The following ZNF618 variants were observed in gnomAD, a reference collection of about 807,000 sequenced individuals.
ZNF618 encodes the protein zinc finger protein 618.
A neutral mutation model predicts 103.0 loss-of-function variants in ZNF618; 34 were observed. The ratio of observed to expected loss-of-function variants is 0.33; its 90% CI spans 0.25 to 0.44. The LOEUF (loss-of-function observed/expected upper bound fraction) is 0.44. Among genes scored for constraint, ZNF618 ranks in the 20% least tolerant of loss-of-function variants. The pLI, the probability that ZNF618 is intolerant of heterozygous loss-of-function variation, is 1.00. For missense variants in ZNF618, 1,059 were observed against 1,295.4 expected (o/e 0.82, Z 2.80); for synonymous variants, 551 against 542.2 (o/e 1.02, Z -0.23).
At chr9:114,035,508 C>T (rs1222536043) in intron 12 of ZNF618, among the ~76,000 whole-genome samples, 3 of 152,220 alleles carry the variant, frequency 2.0e-5, no homozygotes, top group East Asian at 1.9e-4. Context: ...TCACGGTCGT[C>T]GGGCAGCCTC....
Position 113,988,466 on chromosome 9 carries a change from A to C in ZNF618, c.223A>C (p.Ile75Leu). Residue 75 changes from isoleucine to leucine, a missense_variant, in exon 3 of 15, where the codon ATC becomes CTC. By Grantham distance (5) the Ile-to-Leu change is conservative (BLOSUM62 2). Transcript: ENST00000374126. The part of the protein sequence containing the change: ...ELPDDYIQEV[I>L]WQGEAKEEKK... ...GCCCGATGACTACATCCAGGAGGTG[A>C]TCTGGCAGGGCGAGGCCAAGGAGGA... 1 of 1,613,642 alleles carries C rather than the reference A, an allele frequency of 6.2e-7. No individual in the cohort carries two copies. The highest frequency in any genetic ancestry group is 8.5e-7 in the Non-Finnish European group (1 of 1,179,894).
At chr9:113,988,689 C>G in intron 3 of ZNF618, 109 bp downstream of exon 3, 1 of 1,416,896 alleles carries the variant, frequency 7.1e-7, no homozygotes, top group East Asian at 2.5e-5. Context: ...GCTGAGAGAA[C>G]CTTTGCTGGC....
At chr9:113,898,402 T>C (rs1038981326) in intron 1 of ZNF618, among the ~76,000 whole-genome samples, 1 of 151,370 alleles carries the variant, frequency 6.6e-6, no homozygotes, top group African/African-American at 2.4e-5. Flanking sequence ...GTCTATATCC[T>C]AAAATGATGT....
At chr9:113,981,832 G>C (rs1564251085) in intron 2 of ZNF618, among the ~76,000 whole-genome samples, 1 of 152,220 alleles carries the variant, frequency 6.6e-6, no homozygotes, top group Admixed American at 6.5e-5. Context: ...TGTGCACTGA[G>C]TTCTTTCTGT....
At chr9:114,008,754 G>A (rs1363362162) in intron 9 of ZNF618, among the ~76,000 whole-genome samples, 200 bp downstream of exon 9, 1 of 152,198 alleles carries the variant, frequency 6.6e-6, no homozygotes, top group African/African-American at 2.4e-5. Flanking sequence ...GTCAAGGTCA[G>A]GACAGTGAAG....
At chr9:114,031,799 C>T (rs1211403516) in intron 11 of ZNF618, among the ~76,000 whole-genome samples, 2 of 152,132 alleles carry the variant, frequency 1.3e-5, no homozygotes, top group East Asian at 1.9e-4. Context: ...TGACTGGTTC[C>T]CTGAGGTCTT....
chr9:113,955,696 G>T, intron 1 of ZNF618, among the ~76,000 whole-genome samples: 1 of 151,868 alleles, frequency 6.6e-6, no homozygotes, highest in African/African-American at 2.4e-5. Context: ...GTCTTACTTA[G>T]AACATCTACT....
At chr9:114,012,987 A>G (rs1029415952) in intron 9 of ZNF618, among the ~76,000 whole-genome samples, 2 of 133,182 alleles carry the variant, frequency 1.5e-5, no homozygotes. Flanking sequence ...TTTTAAAACT[A>G]TAGGAAAAAA....
intron 1 of ZNF618, among the ~76,000 whole-genome samples, chr9:113,896,038 A>ATT (rs11426967): frequency 6.9e-6 from 1 of 145,324 alleles, no homozygotes; most frequent in Non-Finnish European, 1.5e-5. Flanking sequence ...TCCTAAACTG[A>ATT]TTTTTTTTGT....
At chr9:113,995,913 C>G (rs573902873) in intron 3 of ZNF618, among the ~76,000 whole-genome samples, 2 of 152,256 alleles carry the variant, frequency 1.3e-5, no homozygotes, top group East Asian at 3.9e-4. Flanking sequence ...TAACGTGGCA[C>G]AAGGGTGAAG....
Position 114,049,726 on chromosome 9 carries a change from G to C in ZNF618, c.2424G>C (p.Leu808=). The C allele has an allele frequency of 1.2e-6, 2 of 1,613,868 alleles. No individual in the cohort carries two copies. The highest frequency in any genetic ancestry group is 1.7e-6 in the Non-Finnish European group (2 of 1,179,900). ...VHPAHKVAMI[L]DPQQKLRPVP... ...CGGCCCACAAGGTGGCCATGATCCT[G>C]GACCCGCAGCAGAAGCTGCGGCCTG... Residue 808 remains leucine, a synonymous_variant, in exon 15 of 15, where the codon CTG becomes CTC. Coordinates refer to ENST00000374126, the MANE Select transcript of ZNF618 (RefSeq NM_001318042.2).
chr9:113,973,257 G>A (rs1838161013), intron 2 of ZNF618, among the ~76,000 whole-genome samples: 1 of 152,104 alleles, frequency 6.6e-6, no homozygotes, highest in Non-Finnish European at 1.5e-5. Flanking sequence ...TAGATTAGAC[G>A]GCTCTGAGCA....
chr9:113,963,247 C>CTATATATAT (rs1837033228), intron 1 of ZNF618, among the ~76,000 whole-genome samples: 1 of 152,192 alleles, frequency 6.6e-6, no homozygotes, highest in Admixed American at 6.5e-5. Flanking sequence ...TGGTTGCACC[C>CTATATATAT]ACTGCCGAGG....
At chr9:113,933,825 G>A (rs1211357455) in intron 1 of ZNF618, among the ~76,000 whole-genome samples, 1 of 152,134 alleles carries the variant, frequency 6.6e-6, no homozygotes, top group Admixed American at 6.5e-5. Context: ...GGTCTTGGCT[G>A]GGGAGGGATA....
Position 113,907,833 on chromosome 9 carries a change from C to T in ZNF618, c.33+31420C>T, listed in dbSNP as rs1473938179. ...TTCTTTCAAGGACTCTCTTTCCTTC[C>T]GATGGGGTTGTTTGATTTATCCTGA... On this transcript the variant is annotated intron_variant, in intron 1 of 14. Coordinates refer to ENST00000374126, the MANE Select transcript of ZNF618 (RefSeq NM_001318042.2). Among the ~76,000 whole-genome samples the T allele has an allele frequency of 4.6e-5, 7 of 152,160 alleles. No individual in the cohort carries two copies. The East Asian group carries it at 5.8e-4, about 13-fold the overall frequency.
chr9:113,944,671 T>TA (rs1340716699), intron 1 of ZNF618, among the ~76,000 whole-genome samples: 1 of 152,174 alleles, frequency 6.6e-6, no homozygotes, highest in Non-Finnish European at 1.5e-5. Flanking sequence ...ATATCCGTGT[T>TA]AAAAAAGGAA....
intron 1 of ZNF618, among the ~76,000 whole-genome samples, chr9:113,900,766 C>G (rs866078268): frequency 6.7e-5 from 8 of 118,692 alleles, no homozygotes; most frequent in African/African-American, 1.3e-4. Flanking sequence ...AACCCGACCT[C>G]CTGTCTCCTA....
chr9:113,896,493 T>G (rs1435551881), intron 1 of ZNF618, among the ~76,000 whole-genome samples: 1 of 152,088 alleles, frequency 6.6e-6, no homozygotes, highest in Non-Finnish European at 1.5e-5. Context: ...TTATTGAAAT[T>G]TTTGGATTCC....
chr9:113,988,576 C>T lies in ZNF618; in HGVS notation c.333C>T (p.Thr111=). 6.2e-7 allele frequency: 1 copy of T among 1,605,442 alleles called. No individual in the cohort carries two copies. Among genetic ancestry groups the T allele is most frequent in the Non-Finnish European group, 8.5e-7 (1 of 1,177,928 alleles). ...VVIGGVRNQQ[T]LDGKAPEGSP... ...TCGGCGGCGTCCGCAACCAGCAGAC[C>T]CTTGGTGAGTGCCCAGCGTCTGTGG... Residue 111 remains threonine (T), a synonymous_variant, in exon 3 of 15, where the codon ACC becomes ACT. Coordinates refer to ENST00000374126, the MANE Select transcript of ZNF618 (RefSeq NM_001318042.2).
Sources: gnomAD v4.1 joint callset for allele counts (sites outside exome capture counted in the v4.1 genomes callset) on GRCh38, gnomAD v4.1.1 for gene constraint, MANE v1.5 for transcripts, NCBI Gene and HGNC (gene_info 2026-07-23, HGNC 2026-07-21) for gene names.